The following CCDC178 variants were observed in gnomAD, a reference collection of about 807,000 sequenced individuals.
The protein encoded by CCDC178 is coiled-coil domain containing 178, also known as coiled-coil domain-containing protein 178.
Under a neutral mutation model 117.4 loss-of-function variants are expected in CCDC178, and 126 were observed. The observed-to-expected ratio is 1.07, with a 90% CI of 0.93 to 1.24. CCDC178 has a LOEUF of 1.24. CCDC178 is among the 50% of genes most tolerant of loss of function. The pLI is 0.00. For synonymous variants in CCDC178, 283 were observed against 313.4 expected (o/e 0.90, Z 1.02); for missense variants, 1,030 against 986.9 (o/e 1.04, Z -0.59).
At chr18:32,944,067 AT>A (rs1044454929) in intron 22 of CCDC178, among the ~76,000 whole-genome samples, 7 of 149,832 alleles carry the variant, frequency 4.7e-5, no homozygotes, top group South Asian at 4.2e-4. Flanking sequence ...AGTAGCACAC[AT>A]TTTTTTTTTC....
chr18:33,086,042 A>G (rs1169785162), intron 21 of CCDC178, among the ~76,000 whole-genome samples: 1 of 152,070 alleles, frequency 6.6e-6, no homozygotes, highest in Non-Finnish European at 1.5e-5. Context: ...AATTGCAGTT[A>G]TAAGTCATGT....
intron 2 of CCDC178, among the ~76,000 whole-genome samples, chr18:33,412,969 C>T (rs1224595194): frequency 5.3e-5 from 8 of 152,018 alleles, no homozygotes; most frequent in Non-Finnish European, 8.8e-5. Flanking sequence ...TTTTCCACAT[C>T]GCTAACAACC....
intron 14 of CCDC178, among the ~76,000 whole-genome samples, chr18:33,258,393 A>G (rs1053144274): frequency 2.0e-5 from 3 of 152,070 alleles, no homozygotes; most frequent in African/African-American, 7.2e-5. Flanking sequence ...TCTTCCTCAG[A>G]CGTGCTTGAC....
Position 33,358,520 on chromosome 18 carries a change from T to G in CCDC178, c.349-2174A>C, listed in dbSNP as rs1254046822. Reference sequence around the variant, plus strand: ...AAACTTTGATGTATGATGGATATGGTATGGCTGATTTATAAGAAATGACTG... The same window carrying G: ...AAACTTTGATGTATGATGGATATGGGATGGCTGATTTATAAGAAATGACTG... On this transcript the variant is annotated intron_variant, in intron 6 of 22. Transcript: ENST00000383096. Among the ~76,000 whole-genome samples, 8 of 151,918 alleles carry G rather than the reference T, an allele frequency of 5.3e-5. No homozygotes were observed. In the East Asian group the frequency reaches 1.5e-3, roughly 29 times the overall value.
intron 21 of CCDC178, among the ~76,000 whole-genome samples, chr18:33,011,206 A>G (rs1237896338): frequency 6.6e-6 from 1 of 152,210 alleles, no homozygotes; most frequent in Non-Finnish European, 1.5e-5. Flanking sequence ...GTTTATCTTT[A>G]TAAATAGCAC....
At chr18:32,976,861 G>A (rs2055038042) in intron 21 of CCDC178, among the ~76,000 whole-genome samples, 1 of 152,068 alleles carries the variant, frequency 6.6e-6, no homozygotes, top group Admixed American at 6.5e-5. Flanking sequence ...AACACATATT[G>A]CAGTATAGTT....
intron 20 of CCDC178, among the ~76,000 whole-genome samples, chr18:33,172,758 T>C (rs1478120130): frequency 6.6e-6 from 1 of 152,222 alleles, no homozygotes; most frequent in Non-Finnish European, 1.5e-5. Flanking sequence ...ATTTGTTCTA[T>C]ATTGAAATCT....
intron 21 of CCDC178, among the ~76,000 whole-genome samples, chr18:33,040,045 T>C (rs2056519482): frequency 6.6e-6 from 1 of 151,802 alleles, no homozygotes; most frequent in Non-Finnish European, 1.5e-5. Context: ...AGAAGATAAA[T>C]ATAGTATTTC....
chr18:32,975,642 A>G (rs930845247), intron 21 of CCDC178, among the ~76,000 whole-genome samples: 1 of 152,132 alleles, frequency 6.6e-6, no homozygotes, highest in Non-Finnish European at 1.5e-5. Flanking sequence ...ATATGTTTAT[A>G]CAATATAATA....
chr18:33,432,557 G>A (rs1026207351), intron 2 of CCDC178, among the ~76,000 whole-genome samples: 10 of 150,674 alleles, frequency 6.6e-5, no homozygotes, highest in Admixed American at 1.3e-4. Flanking sequence ...CCAATACCCC[G>A]TGATGCTCTT....
At chr18:33,352,524 C>T (rs2062991851) in intron 7 of CCDC178, among the ~76,000 whole-genome samples, 1 of 152,000 alleles carries the variant, frequency 6.6e-6, no homozygotes, top group East Asian at 1.9e-4. Context: ...GATTTGAGTT[C>T]CTCTTTTTAA....
chr18:32,963,895 A>G (rs939993677), intron 22 of CCDC178, among the ~76,000 whole-genome samples: 23 of 152,014 alleles, frequency 1.5e-4, no homozygotes, highest in Non-Finnish European at 3.2e-4. Flanking sequence ...ATTAATTGAT[A>G]TTTTTCAACT....
chr18:33,292,804 G>A (rs756744127), intron 12 of CCDC178, among the ~76,000 whole-genome samples: 2 of 152,010 alleles, frequency 1.3e-5, no homozygotes, highest in African/African-American at 4.8e-5. Context: ...AGGGGGTCTA[G>A]TGTGATATTT....
chr18:33,224,572 T>C (rs533824961), intron 17 of CCDC178, among the ~76,000 whole-genome samples: 1 of 152,278 alleles, frequency 6.6e-6, no homozygotes, highest in Non-Finnish European at 1.5e-5. Context: ...AAGTACCCTC[T>C]AAGACTATGG....
chr18:33,416,265 A>T (rs936039894), intron 2 of CCDC178, among the ~76,000 whole-genome samples: 2 of 152,096 alleles, frequency 1.3e-5, no homozygotes, highest in Non-Finnish European at 2.9e-5. Flanking sequence ...GTCTCTACTA[A>T]AAATACAAAA....
intron 3 of CCDC178, among the ~76,000 whole-genome samples, chr18:33,403,717 G>A (rs1163914795): frequency 6.6e-6 from 1 of 152,188 alleles, no homozygotes; most frequent in Non-Finnish European, 1.5e-5. Flanking sequence ...AAACTGGAGG[G>A]TCAGGCTAAT....
At chr18:33,024,936 A>G (rs1252196076) in intron 21 of CCDC178, among the ~76,000 whole-genome samples, 1 of 152,014 alleles carries the variant, frequency 6.6e-6, no homozygotes, top group Non-Finnish European at 1.5e-5. Flanking sequence ...TACAGGCATG[A>G]GCCACCGCTC....
chr18:33,099,776 C>T (rs141361787), intron 20 of CCDC178, among the ~76,000 whole-genome samples: 1 of 152,078 alleles, frequency 6.6e-6, no homozygotes, highest in Non-Finnish European at 1.5e-5. Flanking sequence ...TGTGTCGATA[C>T]CCTGAAGCCT....
chr18:33,231,800 C>T (rs570168287), intron 15 of CCDC178, among the ~76,000 whole-genome samples: 1 of 152,258 alleles, frequency 6.6e-6, no homozygotes, highest in Non-Finnish European at 1.5e-5. Context: ...ACGCAGATAG[C>T]TGCTGCTGAA....
Sources: allele counts gnomAD v4.1 joint callset (sites outside exome capture counted in the v4.1 genomes callset), GRCh38; gene constraint gnomAD v4.1.1; transcripts MANE v1.5; gene names NCBI Gene and HGNC (gene_info 2026-07-23, HGNC 2026-07-21).